The following NALF1 variants were observed in gnomAD, a reference collection of about 807,000 sequenced individuals.
NALF1 encodes family with sequence similarity 155 member A.
NALF1 carries 3 observed loss-of-function variants against 48.4 expected under a neutral mutation model. The observed-to-expected ratio is 0.06, with a 90% confidence interval of 0.03 to 0.16. The LOEUF (loss-of-function observed/expected upper bound fraction) is 0.16, where lower values mean the gene tolerates loss of function less well. Ranked by LOEUF, NALF1 falls within the 10% of genes least tolerant of loss-of-function variation. The pLI is 1.00. For synonymous variants in NALF1, 262 were observed against 245.7 expected (o/e 1.07, Z -0.62); for missense variants, 526 against 571.5 (o/e 0.92, Z 0.81).
At chr13:107,753,308 T>C (rs1385388001) in intron 1 of NALF1, among the ~76,000 whole-genome samples, 1 of 152,208 alleles carries the variant, frequency 6.6e-6, no homozygotes, top group African/African-American at 2.4e-5. Context: ...GGTTCTTTCA[T>C]TAATTGTGCA....
chr13:107,537,588 C>G lies in NALF1; in HGVS notation c.916-326833G>C, dbSNP rs1288365303. Among the ~76,000 whole-genome samples the G allele has an allele frequency of 2.0e-5, 3 of 152,058 alleles. No individual in the cohort carries two copies. The East Asian group carries it at 5.8e-4, about 29-fold the overall frequency. ...TGTGAAACTCAAAAGCCTTCAGGGA[C>G]CATCCAGACAATAAGAATGAGAAGC... is the stretch of plus-strand genomic sequence containing the variant. On this transcript the variant is annotated intron_variant, in intron 1 of 2. Coordinates refer to ENST00000375915, the MANE Select transcript of NALF1 (RefSeq NM_001080396.3).
Position 107,366,210 on chromosome 13 carries a change from A to T in NALF1, c.916-155455T>A, listed in dbSNP as rs912851569. 4.6e-5 allele frequency among the ~76,000 whole-genome samples: 7 copies of T among 152,210 alleles called. 1 individual carries two copies. The highest frequency in any genetic ancestry group is 1.7e-4 in the African/African-American group (7 of 41,466). The stretch of plus-strand genomic sequence containing the variant: ...TCTCTGGGACTGATGGTTTCTGTGA[A>T]ATCTAGATTTAAATATACAGAAACT... On this transcript the variant is annotated intron_variant, in intron 1 of 2. Transcript: ENST00000375915.
chr13:107,185,306 C>T (rs182917513), intron 2 of NALF1, among the ~76,000 whole-genome samples: 1 of 152,004 alleles, frequency 6.6e-6, no homozygotes, highest in Admixed American at 6.6e-5. Context: ...TGCTGGGAAA[C>T]GAATATACTG....
chr13:107,795,353 C>T (rs1232739792), intron 1 of NALF1, among the ~76,000 whole-genome samples: 3 of 152,070 alleles, frequency 2.0e-5, no homozygotes, highest in Non-Finnish European at 4.4e-5. Context: ...TACAAAGCCT[C>T]ATCATTCACG....
chr13:107,679,679 G>A (rs925053023), intron 1 of NALF1, among the ~76,000 whole-genome samples: 4 of 152,132 alleles, frequency 2.6e-5, no homozygotes, highest in African/African-American at 9.7e-5. Context: ...GAGGTCCTCA[G>A]CTCCCACTGT....
chr13:107,578,576 C>T (rs1566401118), intron 1 of NALF1, among the ~76,000 whole-genome samples: 1 of 152,120 alleles, frequency 6.6e-6, no homozygotes, highest in Non-Finnish European at 1.5e-5. Flanking sequence ...TTAATTCATA[C>T]TCATTATATA....
intron 1 of NALF1, among the ~76,000 whole-genome samples, chr13:107,650,242 C>T (rs553051450): frequency 6.6e-6 from 1 of 152,144 alleles, no homozygotes; most frequent in Admixed American, 6.5e-5. Context: ...GGTCACCTGA[C>T]AGAACCAGGG....
intron 1 of NALF1, among the ~76,000 whole-genome samples, chr13:107,797,729 T>C (rs796176942): frequency 2.8e-4 from 42 of 152,210 alleles, no homozygotes; most frequent in African/African-American, 9.9e-4. Flanking sequence ...TGAAGATAAA[T>C]TTCATTTAAT....
At chr13:107,663,450 T>G (rs1270315180) in intron 1 of NALF1, among the ~76,000 whole-genome samples, 1 of 152,200 alleles carries the variant, frequency 6.6e-6, no homozygotes, top group African/African-American at 2.4e-5. Flanking sequence ...CATTTGAGTC[T>G]TCGGTTAAAG....
At chr13:107,218,214 C>T (rs1369395030) in intron 1 of NALF1, among the ~76,000 whole-genome samples, 1 of 152,206 alleles carries the variant, frequency 6.6e-6, no homozygotes, top group Admixed American at 6.5e-5. Flanking sequence ...TGTGACCTCA[C>T]TTGGAAGCCT....
chr13:107,679,448 AG>A (rs1025998923), intron 1 of NALF1, among the ~76,000 whole-genome samples: 2 of 152,010 alleles, frequency 1.3e-5, no homozygotes, highest in Non-Finnish European at 2.9e-5. Flanking sequence ...TGGGTGAGGG[AG>A]GGGTAGTTAC....
chr13:107,290,426 G>A (rs894584843), intron 1 of NALF1, among the ~76,000 whole-genome samples: 4 of 152,148 alleles, frequency 2.6e-5, no homozygotes. Flanking sequence ...CCTGGTGGGA[G>A]ATAATTGAAC....
At chr13:107,260,239 G>A (rs529570955) in intron 1 of NALF1, among the ~76,000 whole-genome samples, 15 of 152,258 alleles carry the variant, frequency 9.9e-5, no homozygotes, top group African/African-American at 2.4e-4. Flanking sequence ...TGAAGTCATC[G>A]TTAACATTGT....
intron 2 of NALF1, among the ~76,000 whole-genome samples, chr13:107,171,863 T>G (rs1311929938): frequency 6.6e-6 from 1 of 152,232 alleles, no homozygotes; most frequent in Non-Finnish European, 1.5e-5. Flanking sequence ...GGGATAATAG[T>G]AGAGTTGTTG....
chr13:107,173,008 T>G (rs985089206), intron 2 of NALF1, among the ~76,000 whole-genome samples: 1 of 152,192 alleles, frequency 6.6e-6, no homozygotes, highest in Non-Finnish European at 1.5e-5. Context: ...TTTACTCAAA[T>G]TTATGAATAA....
At chr13:107,461,220 T>C (rs1884913619) in intron 1 of NALF1, among the ~76,000 whole-genome samples, 1 of 152,184 alleles carries the variant, frequency 6.6e-6, no homozygotes, top group Non-Finnish European at 1.5e-5. Context: ...TGCTTTCTTC[T>C]AAAAATGAGA....
intron 1 of NALF1, among the ~76,000 whole-genome samples, chr13:107,486,399 G>A (rs1250635488): frequency 6.6e-6 from 1 of 152,114 alleles, no homozygotes; most frequent in Non-Finnish European, 1.5e-5. Flanking sequence ...AAGAGTTGCC[G>A]GCAGGTGAAC....
intron 1 of NALF1, among the ~76,000 whole-genome samples, chr13:107,667,782 G>T (rs1167509974): frequency 2.0e-5 from 3 of 152,012 alleles, no homozygotes. Flanking sequence ...AAACATTTGG[G>T]CTGCTATAAT....
chr13:107,865,575 G>C (rs1880688462), intron 1 of NALF1, 107 bp downstream of exon 1: 5 of 1,445,766 alleles, frequency 3.5e-6, no homozygotes, highest in Non-Finnish European at 4.6e-6. Context: ...AAAACACAAA[G>C]TAACAAAACC....
Sources: gnomAD v4.1 joint callset for allele counts (sites outside exome capture counted in the v4.1 genomes callset) on GRCh38, gnomAD v4.1.1 for gene constraint, MANE v1.5 for transcripts, NCBI Gene and HGNC (gene_info 2026-07-23, HGNC 2026-07-21) for gene names.